Variants in FYN observed in about 807,000 individuals in gnomAD.
FYN encodes tyrosine-protein kinase Fyn.
In FYN, 10 loss-of-function variants were observed where a neutral mutation model predicts 70.2. The observed-to-expected ratio is 0.14, with a 90% CI of 0.09 to 0.24. The LOEUF is 0.24. Among genes scored for constraint, FYN ranks in the 10% least tolerant of loss-of-function variants. FYN has a pLI of 1.00. For missense variants in FYN, 319 were observed against 673.1 expected (o/e 0.47, Z 5.82); for synonymous variants, 236 against 248.6 (o/e 0.95, Z 0.48).
At chr6:111,701,565 T>TC (rs1054502505) in intron 8 of FYN, among the ~76,000 whole-genome samples, 1 of 152,114 alleles carries the variant, frequency 6.6e-6, no homozygotes, top group Non-Finnish European at 1.5e-5. Flanking sequence ...GGATTTTTTT[T>TC]CCCCGAGATT....
At chr6:111,669,739 G>C (rs1325757672) in intron 13 of FYN, among the ~76,000 whole-genome samples, 1 of 152,100 alleles carries the variant, frequency 6.6e-6, no homozygotes, top group Non-Finnish European at 1.5e-5. Context: ...CCTCATAGGT[G>C]AGTTCTTTTT....
At chr6:111,759,227 T>G (rs1429456613) in intron 3 of FYN, 1 of 152,232 alleles carries the variant, frequency 6.6e-6, no homozygotes, top group Non-Finnish European at 1.5e-5. Context: ...TCCCATTGCC[T>G]TCTTCTGGCT....
At chr6:111,693,086 A>C (rs548423789) in intron 12 of FYN, among the ~76,000 whole-genome samples, 21 of 152,192 alleles carry the variant, frequency 1.4e-4, no homozygotes, top group Non-Finnish European at 2.8e-4. Context: ...CAGCATTTGG[A>C]CAGTATCGGT....
At chr6:111,774,082 A>G (rs1803610137) in intron 3 of FYN, among the ~76,000 whole-genome samples, 1 of 152,068 alleles carries the variant, frequency 6.6e-6, no homozygotes. Context: ...CAAAGACAGT[A>G]CTCTCTCTCA....
intron 1 of FYN, among the ~76,000 whole-genome samples, chr6:111,871,378 G>A (rs986075279): frequency 1.5e-4 from 23 of 152,210 alleles, no homozygotes; most frequent in African/African-American, 5.5e-4. Flanking sequence ...TGGGGAAGAA[G>A]ACAGTACATA....
At chr6:111,721,987 AG>A (rs1366947004) in intron 3 of FYN, among the ~76,000 whole-genome samples, 2 of 152,170 alleles carry the variant, frequency 1.3e-5, no homozygotes, top group Non-Finnish European at 2.9e-5. Context: ...CAGGATGGGA[AG>A]GGCTTGAGGC....
In FYN at chr6:111,736,299, A is replaced by G. The variant is rs187332018; in HGVS notation, c.-11-16237T>C. ...GTTACACTTCAGTTTTGCATAAAAA[A>G]TATAATATTAACACATTCTTTGGGC... On this transcript the variant is annotated intron_variant, in intron 3 of 13. Coordinates refer to ENST00000354650, the MANE Select transcript of FYN (RefSeq NM_002037.5). Among the ~76,000 whole-genome samples, 206 of 152,330 alleles carry G rather than the reference A, an allele frequency of 1.4e-3. 2 individuals are homozygous for G. The highest frequency in any genetic ancestry group is 0.013 in the Admixed American group (200 of 15,300).
intron 13 of FYN, among the ~76,000 whole-genome samples, chr6:111,672,269 T>C (rs1442630623): frequency 6.6e-6 from 1 of 152,208 alleles, no homozygotes; most frequent in African/African-American, 2.4e-5. Flanking sequence ...GCTTCCAAGG[T>C]CTGGCTTACT....
At chr6:111,845,932 G>A (rs564256704) in intron 2 of FYN, among the ~76,000 whole-genome samples, 1 of 152,284 alleles carries the variant, frequency 6.6e-6, no homozygotes, top group African/African-American at 2.4e-5. Flanking sequence ...ACTCCATCAT[G>A]GAGTTTTTCT....
At chr6:111,669,003 T>G (rs1278584863) in intron 13 of FYN, among the ~76,000 whole-genome samples, 1 of 152,152 alleles carries the variant, frequency 6.6e-6, no homozygotes, top group Non-Finnish European at 1.5e-5. Flanking sequence ...TTGGAATCCT[T>G]TAAGGAAAAA....
intron 13 of FYN, among the ~76,000 whole-genome samples, chr6:111,673,339 C>T (rs1222505233): frequency 6.6e-6 from 1 of 152,088 alleles, no homozygotes; most frequent in African/African-American, 2.4e-5. Context: ...CTCTAAACGC[C>T]CAGTGCCGGC....
intron 2 of FYN, among the ~76,000 whole-genome samples, chr6:111,801,480 A>AAT (rs1035669574): frequency 2.0e-5 from 3 of 152,184 alleles, no homozygotes; most frequent in East Asian, 1.9e-4. Context: ...TAATTGAACA[A>AAT]ATATATATAG....
intron 2 of FYN, among the ~76,000 whole-genome samples, chr6:111,841,202 G>A (rs146358813): frequency 5.3e-5 from 8 of 152,160 alleles, no homozygotes; most frequent in Non-Finnish European, 7.4e-5. Context: ...TCATTTTCAC[G>A]CTTTCACAGG....
chr6:111,725,995 G>A (rs945588658), intron 3 of FYN, among the ~76,000 whole-genome samples: 1 of 152,218 alleles, frequency 6.6e-6, no homozygotes, highest in African/African-American at 2.4e-5. Context: ...GGCCTTCATT[G>A]TGGGGGAGAT....
Position 111,827,606 on chromosome 6 carries a change from C to T in FYN, c.-82+18983G>A, listed in dbSNP as rs567337922. 3.9e-5 allele frequency among the ~76,000 whole-genome samples: 6 copies of T among 152,268 alleles called. No homozygotes were observed. The South Asian group carries it at 1.0e-3, about 26-fold the overall frequency. On this transcript the variant is annotated intron_variant, in intron 2 of 13. Coordinates refer to ENST00000354650, the MANE Select transcript of FYN (RefSeq NM_002037.5). ...CAGTGACACTGGGGGTATACGACAG[C>T]TTTTTGGGGGTAAAAAGAATTATTT...
At chr6:111,778,595 G>A (rs1357312817) in intron 3 of FYN, among the ~76,000 whole-genome samples, 2 of 148,162 alleles carry the variant, frequency 1.3e-5, no homozygotes, top group Non-Finnish European at 3.0e-5. Context: ...TTTAGATGGC[G>A]TCTCGCTGTG....
intron 9 of FYN, among the ~76,000 whole-genome samples, chr6:111,697,516 A>G (rs963241138): frequency 2.0e-5 from 3 of 152,230 alleles, no homozygotes; most frequent in Non-Finnish European, 2.9e-5. Flanking sequence ...GACATGGTTC[A>G]TACAATTACA....
intron 5 of FYN, 52 bp from the exon 6 acceptor site, chr6:111,708,072 T>C (rs1037067608): frequency 1.5e-6 from 2 of 1,358,018 alleles, no homozygotes; most frequent in Non-Finnish European, 2.1e-6. Context: ...CAGCTTGCAG[T>C]TAGAGACTCA....
chr6:111,835,384 T>C (rs554771218), intron 2 of FYN, among the ~76,000 whole-genome samples: 19 of 149,572 alleles, frequency 1.3e-4, no homozygotes, highest in African/African-American at 4.7e-4. Flanking sequence ...GATACTAAAG[T>C]GAAGGATTGT....
Sources: gnomAD v4.1 joint callset for allele counts (sites outside exome capture counted in the v4.1 genomes callset) on GRCh38, gnomAD v4.1.1 for gene constraint, MANE v1.5 for transcripts, NCBI Gene and HGNC (gene_info 2026-07-23, HGNC 2026-07-21) for gene names.